THSD7A: variants seen among roughly 807,000 people sequenced by gnomAD.
The protein encoded by THSD7A is thrombospondin type 1 domain containing 7A.
In THSD7A, 96 loss-of-function variants were observed where a neutral mutation model predicts 231.3. The observed-to-expected ratio is 0.41, with a 90% CI of 0.35 to 0.49. The LOEUF (loss-of-function observed/expected upper bound fraction) is 0.49, where lower values mean the gene tolerates loss of function less well. Among genes scored for constraint, THSD7A ranks in the 20% least tolerant of loss-of-function variants. The pLI, the probability that THSD7A is intolerant of heterozygous loss-of-function variation, is 0.05. For missense variants in THSD7A, 2,290 were observed against 2,070.2 expected, an observed-to-expected ratio of 1.11 and a Z score of -2.06; for synonymous variants, 940 against 743.3, an observed-to-expected ratio of 1.26 and a Z score of -4.30.
intron 13 of THSD7A, among the ~76,000 whole-genome samples, chr7:11,440,634 G>A (rs1467205524): frequency 6.6e-6 from 1 of 151,940 alleles, no homozygotes; most frequent in African/African-American, 2.4e-5. Flanking sequence ...TTGCAGATGT[G>A]GTAGAAACAG....
At chr7:11,664,985 C>T (rs972279080) in intron 1 of THSD7A, among the ~76,000 whole-genome samples, 14 of 152,028 alleles carry the variant, frequency 9.2e-5, no homozygotes, top group African/African-American at 3.1e-4. Flanking sequence ...TGGCCTGTTA[C>T]TTGTTATAGA....
chr7:11,819,801 T>C (rs1784814455), intron 1 of THSD7A, among the ~76,000 whole-genome samples: 1 of 152,154 alleles, frequency 6.6e-6, no homozygotes, highest in Non-Finnish European at 1.5e-5. Flanking sequence ...TGAATCCTAA[T>C]GTAAACCATG....
At chr7:11,486,076 G>A (rs980054739) in intron 6 of THSD7A, among the ~76,000 whole-genome samples, 2 of 152,078 alleles carry the variant, frequency 1.3e-5, no homozygotes, top group African/African-American at 2.4e-5. Context: ...TTGGGTCAAT[G>A]GCTATTACAG....
intron 10 of THSD7A, 87 bp from the exon 11 acceptor site, chr7:11,460,852 G>T: frequency 2.0e-6 from 2 of 1,018,014 alleles, no homozygotes; most frequent in South Asian, 1.4e-5. Flanking sequence ...ACATGACTTT[G>T]ACCACTGCAA....
chr7:11,651,404 A>G (rs1336316765), intron 1 of THSD7A, among the ~76,000 whole-genome samples: 1 of 151,918 alleles, frequency 6.6e-6, no homozygotes, highest in Non-Finnish European at 1.5e-5. Context: ...GTGCCACTGA[A>G]TTTTTCACTT....
intron 13 of THSD7A, among the ~76,000 whole-genome samples, chr7:11,432,669 C>A (rs1270140625): frequency 1.3e-5 from 2 of 152,012 alleles, no homozygotes; most frequent in African/African-American, 4.8e-5. Flanking sequence ...TGATGTGTAG[C>A]ATTCTATTGT....
chr7:11,592,859 CT>C (rs947814036), intron 3 of THSD7A, among the ~76,000 whole-genome samples: 10 of 150,982 alleles, frequency 6.6e-5, no homozygotes, highest in East Asian at 5.8e-4. Flanking sequence ...AACCTGCCAC[CT>C]TTTTTTTTAT....
intron 2 of THSD7A, among the ~76,000 whole-genome samples, chr7:11,596,848 T>C (rs1780379105): frequency 6.6e-6 from 1 of 152,234 alleles, no homozygotes; most frequent in Non-Finnish European, 1.5e-5. Context: ...TGACACCTGG[T>C]ATGCAGCCAT....
At chr7:11,620,763 C>T (rs199888791) in intron 2 of THSD7A, among the ~76,000 whole-genome samples, 53 of 152,138 alleles carry the variant, frequency 3.5e-4, no homozygotes, top group African/African-American at 1.1e-3. Context: ...CTAGCACAAC[C>T]GAAGCACTTC....
intron 1 of THSD7A, among the ~76,000 whole-genome samples, chr7:11,803,146 T>C (rs1023563267): frequency 6.6e-6 from 1 of 152,172 alleles, no homozygotes; most frequent in African/African-American, 2.4e-5. Flanking sequence ...AAGGTGGGAC[T>C]TTTTCAACAG....
chr7:11,709,172 A>G (rs904268601), intron 1 of THSD7A, among the ~76,000 whole-genome samples: 3 of 150,812 alleles, frequency 2.0e-5, no homozygotes, highest in African/African-American at 7.3e-5. Context: ...CTGAATATTT[A>G]GGGTCTGGCT....
chr7:11,426,569 T>C, intron 15 of THSD7A, 97 bp downstream of exon 15: 36 of 1,319,154 alleles, frequency 2.7e-5, no homozygotes, highest in Non-Finnish European at 3.5e-5. Flanking sequence ...CTGTAAAACA[T>C]AAAAGACAAA....
chr7:11,504,199 T>C (rs1787453922), intron 6 of THSD7A, among the ~76,000 whole-genome samples: 1 of 152,146 alleles, frequency 6.6e-6, no homozygotes. Flanking sequence ...CTCAGAAAGC[T>C]AATGCAGGAA....
rs1428299043 is a variant in THSD7A at position 11,557,492 on chromosome 7, C to G, written c.1454-14375G>C. 2.0e-5 allele frequency among the ~76,000 whole-genome samples: 3 copies of G among 151,942 alleles called. No individual in the cohort carries two copies. The East Asian group carries it at 5.8e-4, about 29-fold the overall frequency. On this transcript the variant is annotated intron_variant, in intron 4 of 27. Transcript: ENST00000423059. ...TTATTTTTTTCGTTGAATCTGGTAA[C>G]TCCCTGGTTCTTGGCATAAGGAGTG...
Position 11,678,077 on chromosome 7 carries a change from C to G in THSD7A, c.191-41116G>C, listed in dbSNP as rs146114043. Among the ~76,000 whole-genome samples, 460 of 152,234 alleles carry G rather than the reference C, an allele frequency of 3.0e-3. 4 individuals carry two copies. Among genetic ancestry groups the G allele is most frequent in the African/African-American group, 0.01 (431 of 41,530 alleles). On this transcript the variant is annotated intron_variant, in intron 1 of 27. Coordinates refer to ENST00000423059, the MANE Select transcript of THSD7A (RefSeq NM_015204.3). ...GCAAAACTACATGGAAACTGAACAA[C>G]CTGCTCCTGAATGACTACTGGGTAA... is the stretch of plus-strand genomic sequence containing the variant.
At chr7:11,390,133 G>C (rs1395235338) in intron 23 of THSD7A, among the ~76,000 whole-genome samples, 1 of 152,148 alleles carries the variant, frequency 6.6e-6, no homozygotes, top group African/African-American at 2.4e-5. Flanking sequence ...GGTGTTCTCT[G>C]TATTTCCTGA....
At chr7:11,508,365 T>C (rs968902423) in intron 6 of THSD7A, among the ~76,000 whole-genome samples, 6 of 151,616 alleles carry the variant, frequency 4.0e-5, no homozygotes, top group Non-Finnish European at 8.8e-5. Context: ...AAAACCACAA[T>C]GAGATACCAC....
chr7:11,566,047 T>TAA (rs35310582), intron 4 of THSD7A, among the ~76,000 whole-genome samples: 5 of 151,982 alleles, frequency 3.3e-5, no homozygotes, highest in Admixed American at 2.6e-4. Flanking sequence ...CAAGGCTCCT[T>TAA]AAAAAAATAG....
At chr7:11,763,499 T>C (rs1016794876) in intron 1 of THSD7A, among the ~76,000 whole-genome samples, 1 of 152,198 alleles carries the variant, frequency 6.6e-6, no homozygotes, top group African/African-American at 2.4e-5. Context: ...TACACATCTA[T>C]ATACACATAC....
Sources: allele counts gnomAD v4.1 joint callset (sites outside exome capture counted in the v4.1 genomes callset), GRCh38; gene constraint gnomAD v4.1.1; transcripts MANE v1.5; gene names NCBI Gene and HGNC (gene_info 2026-07-23, HGNC 2026-07-21).